The following ANKS1B variants were observed in gnomAD, a reference collection of about 807,000 sequenced individuals.
ANKS1B encodes ankyrin repeat and sterile alpha motif domain-containing protein 1B.
A neutral mutation model predicts 148.3 loss-of-function variants in ANKS1B; 36 were observed. The ratio of observed to expected loss-of-function variants is 0.24; its 90% CI spans 0.19 to 0.32. The LOEUF is 0.32. Ranked by LOEUF, ANKS1B falls within the 10% of genes least tolerant of loss-of-function variation. The pLI, the probability that ANKS1B is intolerant of heterozygous loss-of-function variation, is 1.00. For missense variants in ANKS1B, 1,157 were observed against 1,542.6 expected (o/e 0.75, Z 4.19); for synonymous variants, 542 against 560.8 (o/e 0.97, Z 0.47).
intron 17 of ANKS1B, among the ~76,000 whole-genome samples, chr12:99,026,331 A>G (rs1289232569): frequency 1.3e-5 from 2 of 152,142 alleles, no homozygotes; most frequent in African/African-American, 4.8e-5. Flanking sequence ...CCCTATACCT[A>G]TGGGCATATT....
At chr12:99,024,608 A>C (rs2099947675) in intron 17 of ANKS1B, among the ~76,000 whole-genome samples, 1 of 152,168 alleles carries the variant, frequency 6.6e-6, no homozygotes, top group Non-Finnish European at 1.5e-5. Context: ...AGTTTCATTA[A>C]ATTGATCTTC....
intron 22 of ANKS1B, among the ~76,000 whole-genome samples, chr12:98,789,822 A>G (rs1355479522): frequency 1.3e-5 from 2 of 152,248 alleles, no homozygotes; most frequent in Non-Finnish European, 2.9e-5. Flanking sequence ...ATGAATATGT[A>G]TAGGAATAAA....
At chr12:99,225,219 T>G (rs1472722750) in intron 14 of ANKS1B, among the ~76,000 whole-genome samples, 1 of 152,074 alleles carries the variant, frequency 6.6e-6, no homozygotes, top group Admixed American at 6.6e-5. Flanking sequence ...AAATGACCCA[T>G]GGGGAAAATT....
intron 25 of ANKS1B, among the ~76,000 whole-genome samples, chr12:98,769,184 T>TTTTTTTTTTTTG (rs2098533841): frequency 7.0e-6 from 1 of 143,042 alleles, no homozygotes; most frequent in Non-Finnish European, 1.5e-5. Flanking sequence ...TTTTTTTTTT[T>TTTTTTTTTTTTG]TTTTTTTTTT....
intron 9 of ANKS1B, among the ~76,000 whole-genome samples, chr12:99,589,864 A>G (rs147713830): frequency 0.013 from 2,010 of 152,286 alleles, 52 homozygotes; most frequent in African/African-American, 0.046. Context: ...GCTTGAGGTG[A>G]TAGACACCCC....
chr12:99,278,934 G>A (rs911686504), intron 12 of ANKS1B, among the ~76,000 whole-genome samples: 6 of 151,926 alleles, frequency 3.9e-5, no homozygotes, highest in African/African-American at 1.5e-4. Context: ...CTAAATTATT[G>A]CACCCAAAAT....
intron 24 of ANKS1B, among the ~76,000 whole-genome samples, chr12:98,773,448 C>T (rs951141852): frequency 5.3e-5 from 8 of 151,996 alleles, no homozygotes; most frequent in South Asian, 2.1e-4. Flanking sequence ...GTCTGGGTGG[C>T]GGCCACTTTT....
downstream of ANKS1B, among the ~76,000 whole-genome samples, chr12:98,741,056 C>CCTAT (rs979251846): frequency 1.1e-4 from 17 of 152,158 alleles, no homozygotes; most frequent in African/African-American, 3.9e-4. Context: ...CTCTGTACTG[C>CCTAT]CTATCTCTGA....
chr12:99,313,803 C>G (rs1338567610), intron 12 of ANKS1B, among the ~76,000 whole-genome samples: 1 of 152,104 alleles, frequency 6.6e-6, no homozygotes, highest in East Asian at 1.9e-4. Context: ...AAACCCACAG[C>G]CAATATCATA....
intron 1 of ANKS1B, among the ~76,000 whole-genome samples, chr12:99,973,635 AG>A (rs1238194668): frequency 6.6e-6 from 1 of 152,140 alleles, no homozygotes; most frequent in Non-Finnish European, 1.5e-5. Context: ...CATTAACAGG[AG>A]TTTTGGAAGA....
At chr12:98,750,376 A>G (rs1444001774) in intron 26 of ANKS1B, among the ~76,000 whole-genome samples, 3 of 152,322 alleles carry the variant, frequency 2.0e-5, no homozygotes, top group South Asian at 4.1e-4. Context: ...GGAGGGGTCA[A>G]TCCTGTGGAT....
intron 17 of ANKS1B, among the ~76,000 whole-genome samples, chr12:98,849,043 T>C (rs2099505123): frequency 1.3e-5 from 2 of 151,978 alleles, no homozygotes; most frequent in South Asian, 4.2e-4. Flanking sequence ...CTGGCCTGAT[T>C]TGCGATTTTT....
rs142817032 is a variant in ANKS1B at position 99,833,207 on chromosome 12, C to G, written c.135-7818G>C. 2.8e-4 allele frequency among the ~76,000 whole-genome samples: 43 copies of G among 152,282 alleles called. 1 individual carries two copies. The highest frequency in any genetic ancestry group is 9.9e-4 in the African/African-American group (41 of 41,574). ...AGAAAGATAGGTTTGCTCCAGATTACGAAGAACCTCATAATATATTGAAAA... is the reference window on the plus strand; with the variant it reads ...AGAAAGATAGGTTTGCTCCAGATTAGGAAGAACCTCATAATATATTGAAAA... On this transcript the variant is annotated intron_variant, in intron 1 of 26. Transcript: ENST00000683438.
intron 14 of ANKS1B, among the ~76,000 whole-genome samples, chr12:99,156,790 G>A (rs556281124): frequency 6.6e-6 from 1 of 152,140 alleles, no homozygotes; most frequent in South Asian, 2.1e-4. Context: ...TTAGTTGTTT[G>A]TGTCTGACTT....
intron 12 of ANKS1B, among the ~76,000 whole-genome samples, chr12:99,369,287 G>T (rs895112688): frequency 6.6e-6 from 1 of 152,126 alleles, no homozygotes; most frequent in Non-Finnish European, 1.5e-5. Flanking sequence ...TAATATCCAG[G>T]TTATAAAAAG....
At position 99,806,409 on chromosome 12, in the gene ANKS1B, A is replaced by G; in HGVS notation, c.664T>C (p.Cys222Arg). 6.2e-7 allele frequency: 1 copy of G among 1,613,720 alleles called. No homozygotes were observed. The highest frequency in any genetic ancestry group is 8.5e-7 in the Non-Finnish European group (1 of 1,179,840). ...VLLEAGMDVS[C>R]QTEKGSALHE... ...ATAGCTAAAAGCACACTCACTTGAC[A>G]GCTCACATCCATTCCTGCCTCCAGC... Residue 222 changes from cysteine to arginine, a missense_variant, in exon 4 of 27, where the codon TGT becomes CGT. Cys to Arg is a radical substitution (Grantham distance 180). Around this residue, in one of 6 missense-constraint regions of ANKS1B, gnomAD observed 26 missense variants for 83.4 expected, o/e 0.31. Coordinates refer to ENST00000683438, the MANE Select transcript of ANKS1B (RefSeq NM_001352186.2).
chr12:99,856,929 A>G (rs571399682), intron 1 of ANKS1B, among the ~76,000 whole-genome samples: 25 of 152,340 alleles, frequency 1.6e-4, no homozygotes, highest in Non-Finnish European at 2.8e-4. Flanking sequence ...CCAACATTAT[A>G]CTGAACAGGA....
chr12:98,746,579 A>G (rs897945691), intron 26 of ANKS1B, among the ~76,000 whole-genome samples: 2 of 152,150 alleles, frequency 1.3e-5, no homozygotes, highest in Admixed American at 6.5e-5. Context: ...TATTGCCGCT[A>G]TGCGTCATCA....
chr12:99,531,254 C>T (rs1479095675), intron 9 of ANKS1B, among the ~76,000 whole-genome samples: 1 of 152,120 alleles, frequency 6.6e-6, no homozygotes, highest in Admixed American at 6.5e-5. Flanking sequence ...TTATTGTTAG[C>T]TACTTTTGTT....
Sources: allele counts gnomAD v4.1 joint callset (sites outside exome capture counted in the v4.1 genomes callset), GRCh38; gene constraint gnomAD v4.1.1; regional missense constraint gnomAD v4.1.1; transcripts MANE v1.5; gene names NCBI Gene and HGNC (gene_info 2026-07-23, HGNC 2026-07-21).